The following NEK11 variants were observed in gnomAD, a reference collection of about 807,000 sequenced individuals.
The protein encoded by NEK11 is serine/threonine-protein kinase Nek11.
In NEK11, 72 loss-of-function variants were observed where a neutral mutation model predicts 80.7. That is an observed-to-expected ratio of 0.89 (90% CI 0.74 to 1.08). The LOEUF (loss-of-function observed/expected upper bound fraction) is 1.08. Ranked by LOEUF, NEK11 falls within the 50% of genes least tolerant of loss-of-function variation. The pLI is 0.00. For missense variants in NEK11, 764 were observed against 763.6 expected (o/e 1.00, Z -0.01); for synonymous variants, 251 against 260.7 (o/e 0.96, Z 0.36).
At chr3:131,193,933 T>C (rs534411562) in intron 14 of NEK11, among the ~76,000 whole-genome samples, 1 of 152,304 alleles carries the variant, frequency 6.6e-6, no homozygotes, top group African/African-American at 2.4e-5. Context: ...GCCTGATAAA[T>C]AATTTTGTGT....
intron 3 of NEK11, among the ~76,000 whole-genome samples, chr3:131,067,672 C>G (rs1409026100): frequency 6.6e-6 from 1 of 152,108 alleles, no homozygotes. Flanking sequence ...TCTATTCTTG[C>G]TGGTCTTAAT....
intron 17 of NEK11, among the ~76,000 whole-genome samples, chr3:131,306,560 G>A (rs987884489): frequency 6.6e-6 from 1 of 152,170 alleles, no homozygotes; most frequent in East Asian, 1.9e-4. Flanking sequence ...CACATGGAAG[G>A]CTAGAACTAA....
chr3:131,028,298 T>C (rs1351533481), intron 2 of NEK11, among the ~76,000 whole-genome samples: 1 of 152,214 alleles, frequency 6.6e-6, no homozygotes, highest in Non-Finnish European at 1.5e-5. Flanking sequence ...GTAGTTTTTG[T>C]GGTTGACGGA....
At chr3:131,307,409 A>T (rs1162909963) in intron 17 of NEK11, among the ~76,000 whole-genome samples, 1 of 152,248 alleles carries the variant, frequency 6.6e-6, no homozygotes, top group Non-Finnish European at 1.5e-5. Flanking sequence ...TCTTTGTCAA[A>T]AGGATTTGAA....
chr3:131,172,182 G>C (rs900391748), intron 14 of NEK11, among the ~76,000 whole-genome samples: 1 of 152,182 alleles, frequency 6.6e-6, no homozygotes, highest in African/African-American at 2.4e-5. Flanking sequence ...CCATCGGGAG[G>C]CATCATAGCC....
chr3:131,294,600 A>G (rs1340151210), intron 17 of NEK11, among the ~76,000 whole-genome samples: 1 of 151,770 alleles, frequency 6.6e-6, no homozygotes, highest in African/African-American at 2.4e-5. Flanking sequence ...GTCAAGTTCA[A>G]CTATGTCCTT....
intron 11 of NEK11, 63 bp downstream of exon 11, chr3:131,162,590 T>C: frequency 1.9e-6 from 3 of 1,587,212 alleles, no homozygotes; most frequent in Non-Finnish European, 2.6e-6. Context: ...TCAGGGAATT[T>C]ACAGAGAAAA....
chr3:131,169,263 C>T (rs1229574829), intron 13 of NEK11, among the ~76,000 whole-genome samples: 1 of 152,192 alleles, frequency 6.6e-6, no homozygotes, highest in Non-Finnish European at 1.5e-5. Flanking sequence ...GCTCTGTTCT[C>T]TATTCCTTTT....
intron 14 of NEK11, among the ~76,000 whole-genome samples, chr3:131,190,396 T>G (rs1364281671): frequency 6.6e-6 from 1 of 152,212 alleles, no homozygotes; most frequent in Non-Finnish European, 1.5e-5. Context: ...CCCTCATGAA[T>G]GGCTTAATGT....
At chr3:131,238,172 A>G (rs2095463842) in intron 15 of NEK11, among the ~76,000 whole-genome samples, 1 of 152,124 alleles carries the variant, frequency 6.6e-6, no homozygotes, top group African/African-American at 2.4e-5. Context: ...ATGTCATCTT[A>G]TCAGGGAGGA....
chr3:131,111,563 C>T (rs9860413), intron 5 of NEK11, among the ~76,000 whole-genome samples: 138,393 of 152,190 alleles, frequency 0.91, 63,440 homozygotes, highest in Non-Finnish European at 0.95. Context: ...ATAAGCCATG[C>T]ACCATGGTGG....
intron 17 of NEK11, among the ~76,000 whole-genome samples, chr3:131,320,913 GGC>G (rs944219626): frequency 7.2e-5 from 11 of 152,154 alleles, no homozygotes; most frequent in Non-Finnish European, 1.3e-4. Context: ...TTGTTAAAAT[GGC>G]AATACTACCC....
intron 15 of NEK11, among the ~76,000 whole-genome samples, chr3:131,234,521 T>C (rs1426624278): frequency 6.6e-6 from 1 of 152,196 alleles, no homozygotes; most frequent in Non-Finnish European, 1.5e-5. Flanking sequence ...CTTGCTACAG[T>C]GTTAGTGGAT....
At chr3:131,049,961 TC>T (rs2068076949) in intron 3 of NEK11, among the ~76,000 whole-genome samples, 2 of 139,146 alleles carry the variant, frequency 1.4e-5, no homozygotes, top group African/African-American at 2.7e-5. Flanking sequence ...GGTGTTTCAG[TC>T]CAAAAAAAAA....
intron 17 of NEK11, chr3:131,325,852 G>A (rs1188718352): frequency 6.6e-6 from 1 of 152,148 alleles, no homozygotes. Context: ...AATTTATACT[G>A]TGTGAGAAAA....
At chr3:131,067,832 A>T (rs1481398792) in intron 3 of NEK11, among the ~76,000 whole-genome samples, 1 of 152,210 alleles carries the variant, frequency 6.6e-6, no homozygotes, top group Non-Finnish European at 1.5e-5. Context: ...ACAAGAAGAA[A>T]CCAGTGCAAA....
intron 7 of NEK11, among the ~76,000 whole-genome samples, chr3:131,146,649 A>G (rs1238671273): frequency 6.6e-6 from 1 of 152,136 alleles, no homozygotes; most frequent in African/African-American, 2.4e-5. Context: ...AGTGATATTT[A>G]GCCCCTCTTG....
intron 5 of NEK11, among the ~76,000 whole-genome samples, chr3:131,132,349 C>T (rs1349949552): frequency 2.6e-5 from 4 of 151,902 alleles, no homozygotes; most frequent in African/African-American, 7.2e-5. Flanking sequence ...ATATCATCAA[C>T]AACGTTATTA....
chr3:131,091,122 G>A (rs564475912), intron 4 of NEK11, among the ~76,000 whole-genome samples: 1 of 152,306 alleles, frequency 6.6e-6, no homozygotes, highest in African/African-American at 2.4e-5. Flanking sequence ...GGATAAACAT[G>A]TAAAATGGAA....
Sources: gnomAD v4.1 joint callset for allele counts (sites outside exome capture counted in the v4.1 genomes callset) on GRCh38, gnomAD v4.1.1 for gene constraint, MANE v1.5 for transcripts, NCBI Gene and HGNC (gene_info 2026-07-23, HGNC 2026-07-21) for gene names.